The following CCDC158 variants were observed in gnomAD, a reference collection of about 807,000 sequenced individuals.
CCDC158 encodes the protein coiled-coil domain-containing protein 158.
Under a neutral mutation model 138.6 loss-of-function variants are expected in CCDC158, and 116 were observed. The ratio of observed to expected loss-of-function variants is 0.84; its 90% CI spans 0.72 to 0.98. The LOEUF (loss-of-function observed/expected upper bound fraction) is 0.98, where lower values mean the gene tolerates loss of function less well. Among genes scored for constraint, CCDC158 ranks in the 50% least tolerant of loss-of-function variants. The pLI is 0.00. For missense variants in CCDC158, 1,265 were observed against 1,306.1 expected (o/e 0.97, Z 0.48); for synonymous variants, 436 against 442.4 (o/e 0.99, Z 0.18).
Position 76,367,559 on chromosome 4 carries a change from A to G in CCDC158, c.1565T>C (p.Leu522Pro). The G allele has an allele frequency of 6.2e-7, 1 of 1,614,146 alleles. No homozygotes were observed. Among genetic ancestry groups the G allele is most frequent in the Non-Finnish European group, 8.5e-7 (1 of 1,180,034 alleles). Residue 522 changes from leucine to proline, a missense_variant, in exon 12 of 25, where the codon CTC becomes CCC. Physicochemically the swap from Leu to Pro is moderately conservative, Grantham distance 98. Transcript: ENST00000682701. ...IEATNAEITK[L>P]RSRVDLKLQE... ...CAATTTCAAGTCCACCCGGGAGCGGAGCTTTGTGATCTCTGCATTGGTAGC... is the reference window on the plus strand; with the variant it reads ...CAATTTCAAGTCCACCCGGGAGCGGGGCTTTGTGATCTCTGCATTGGTAGC...
In CCDC158 at chr4:76,382,105, C is replaced by T. The variant is rs147920976; in HGVS notation, c.914+505G>A. 9.3e-3 allele frequency among the ~76,000 whole-genome samples: 1,410 copies of T among 152,218 alleles called. 18 individuals are homozygous for T. Among genetic ancestry groups the T allele is most frequent in the African/African-American group, 0.032 (1,339 of 41,504 alleles). ...AACTGGATCATGGGGACAGATTTCC[C>T]CCATGCTTTTCCCGTGATAGCGAGT... is the stretch of plus-strand genomic sequence containing the variant. On this transcript the variant is annotated intron_variant, in intron 8 of 24. Coordinates refer to ENST00000682701, the MANE Select transcript of CCDC158 (RefSeq NM_001394954.1).
chr4:76,359,605 C>T (rs1723934312), intron 13 of CCDC158, among the ~76,000 whole-genome samples: 1 of 152,168 alleles, frequency 6.6e-6, no homozygotes, highest in Non-Finnish European at 1.5e-5. Flanking sequence ...GCATTGTGCC[C>T]CTGCTCTAGG....
upstream of CCDC158, among the ~76,000 whole-genome samples, chr4:76,421,250 G>A (rs1236486919): frequency 3.3e-5 from 5 of 152,170 alleles, no homozygotes; most frequent in Admixed American, 6.5e-5. Context: ...AGTTGGGGGA[G>A]GGGAGGAGGG....
intron 8 of CCDC158, 35 bp downstream of exon 8, chr4:76,382,575 T>G: frequency 3.3e-6 from 4 of 1,223,544 alleles, no homozygotes; most frequent in Non-Finnish European, 4.8e-6. Flanking sequence ...ATCTTTAAAA[T>G]GAAGATGAAT....
chr4:76,317,801 C>T (rs748266988), intron 24 of CCDC158, among the ~76,000 whole-genome samples: 1 of 152,100 alleles, frequency 6.6e-6, no homozygotes, highest in Non-Finnish European at 1.5e-5. Context: ...AAAATGATAT[C>T]AAGTATTCTC....
chr4:76,409,053 C>T (rs1729076627), intron 2 of CCDC158, among the ~76,000 whole-genome samples: 1 of 152,126 alleles, frequency 6.6e-6, no homozygotes, highest in Non-Finnish European at 1.5e-5. Flanking sequence ...TTTAAAACAA[C>T]TGTTTATTTG....
intron 18 of CCDC158, among the ~76,000 whole-genome samples, chr4:76,349,859 T>A (rs1195766281): frequency 6.6e-6 from 1 of 152,226 alleles, no homozygotes; most frequent in African/African-American, 2.4e-5. Flanking sequence ...CTAATCTTTC[T>A]TGGTGACCCT....
intron 15 of CCDC158, among the ~76,000 whole-genome samples, chr4:76,353,557 AAGAC>A (rs1723253616): frequency 6.6e-6 from 1 of 152,218 alleles, no homozygotes; most frequent in Non-Finnish European, 1.5e-5. Context: ...TTGTCATAAA[AAGAC>A]AGTGTTTTAG....
intron 13 of CCDC158, among the ~76,000 whole-genome samples, 178 bp from the exon 14 acceptor site, chr4:76,357,704 C>T (rs72657817): frequency 0.014 from 2,156 of 152,198 alleles, 26 homozygotes; most frequent in Non-Finnish European, 0.022. Flanking sequence ...GGATATGACC[C>T]TTTCTTTTTA....
At chr4:76,325,427 TAACA>T (rs1484371710) in intron 23 of CCDC158, among the ~76,000 whole-genome samples, 1 of 152,214 alleles carries the variant, frequency 6.6e-6, no homozygotes, top group Admixed American at 6.5e-5. Context: ...TCTTATCAAA[TAACA>T]AACTAACTTA....
Position 76,313,253 on chromosome 4 carries a change from A to T in CCDC158, c.3278-7T>A. 6.4e-7 allele frequency: 1 copy of T among 1,573,186 alleles called. No homozygotes were observed. The highest frequency in any genetic ancestry group is 1.1e-5 in the South Asian group (1 of 87,982). ...CTGATCATTGAAGACATTGCTGAAA[A>T]TGTTGATAAAACAGTTAGAATAACA... On this transcript the variant is annotated splice_region_variant and splice_polypyrimidine_tract_variant and intron_variant, in intron 24 of 24. Coordinates refer to ENST00000682701, the MANE Select transcript of CCDC158 (RefSeq NM_001394954.1).
At chr4:76,397,074 G>A (rs964375481) in intron 3 of CCDC158, among the ~76,000 whole-genome samples, 1 of 152,150 alleles carries the variant, frequency 6.6e-6, no homozygotes, top group African/African-American at 2.4e-5. Flanking sequence ...CAAACTGGTG[G>A]TGGTTTTAAA....
chr4:76,318,254 T>C (rs1426728609), intron 24 of CCDC158, among the ~76,000 whole-genome samples: 1 of 152,138 alleles, frequency 6.6e-6, no homozygotes, highest in Non-Finnish European at 1.5e-5. Flanking sequence ...ATAAAATTAT[T>C]AGACCATTAG....
At chr4:76,418,404 T>C (rs1231969345) in intron 1 of CCDC158, among the ~76,000 whole-genome samples, 3 of 152,178 alleles carry the variant, frequency 2.0e-5, no homozygotes, top group African/African-American at 7.2e-5. Flanking sequence ...TTAAAACAGG[T>C]GAATTTTATG....
chr4:76,369,088 GC>G (rs750040649), intron 11 of CCDC158, among the ~76,000 whole-genome samples: 5 of 152,034 alleles, frequency 3.3e-5, no homozygotes, highest in African/African-American at 4.8e-5. Flanking sequence ...GGTGGCACAC[GC>G]CTGTAATCCC....
Position 76,313,056 on chromosome 4 carries a change from G to T in CCDC158, c.*114C>A. The stretch of plus-strand genomic sequence containing the variant: ...TTTCAAAATAGAGTTTACAAGACAG[G>T]GTATCTTTTATTAAATTTTCACATA... On this transcript the variant is annotated 3_prime_UTR_variant, in exon 25 of 25. Coordinates refer to ENST00000682701, the MANE Select transcript of CCDC158 (RefSeq NM_001394954.1). The T allele has an allele frequency of 1.6e-6, 1 of 611,388 alleles. No homozygotes were observed. Among genetic ancestry groups the T allele is most frequent in the Non-Finnish European group, 2.8e-6 (1 of 352,020 alleles). 37.9% of individuals were successfully genotyped at this position (611,388 alleles called of 1,614,324 possible).
At chr4:76,394,551 A>T (rs1410002591) in intron 4 of CCDC158, among the ~76,000 whole-genome samples, 1 of 152,034 alleles carries the variant, frequency 6.6e-6, no homozygotes, top group Non-Finnish European at 1.5e-5. Flanking sequence ...AACGAATAAG[A>T]CCTAGTATTT....
chr4:76,356,589 C>A (rs1244684108), intron 14 of CCDC158: 3 of 152,078 alleles, frequency 2.0e-5, no homozygotes, highest in Non-Finnish European at 4.4e-5. Flanking sequence ...TCTGTGTTAA[C>A]CAGCAAAGGG....
At chr4:76,404,816 G>A (rs150820311) in intron 2 of CCDC158, among the ~76,000 whole-genome samples, 176 of 152,082 alleles carry the variant, frequency 1.2e-3, no homozygotes, top group African/African-American at 4.1e-3. Context: ...CTTGAACCCC[G>A]GAGTTCAAGA....
Sources: gnomAD v4.1 joint callset for allele counts (sites outside exome capture counted in the v4.1 genomes callset) on GRCh38, gnomAD v4.1.1 for gene constraint, MANE v1.5 for transcripts, NCBI Gene and HGNC (gene_info 2026-07-23, HGNC 2026-07-21) for gene names.